Variants in STK32A observed in about 807,000 individuals in gnomAD.
The protein encoded by STK32A is serine/threonine-protein kinase 32A.
A neutral mutation model predicts 53.2 loss-of-function variants in STK32A; 41 were observed. That is an observed-to-expected ratio of 0.77 (90% CI 0.60 to 1.00). STK32A has a LOEUF of 1.00. Among genes scored for constraint, STK32A ranks in the 50% least tolerant of loss-of-function variants. The pLI is 0.00. For synonymous variants in STK32A, 166 were observed against 162.8 expected (o/e 1.02, Z -0.15); for missense variants, 458 against 485.8 (o/e 0.94, Z 0.54).
rs147528038 is a variant in STK32A, at chr5:147,287,930, G to A, written c.260+8532G>A. On this transcript the variant is annotated intron_variant, in intron 4 of 12. Transcript: ENST00000397936. ...CTTCTCATATTTGTCTTTCATCGCT[G>A]TGTGGGCAAAGTTGATTTCATTCTG... 8.0e-4 allele frequency among the ~76,000 whole-genome samples: 122 copies of A among 151,714 alleles called. 1 individual carries two copies. Among genetic ancestry groups the A allele is most frequent in the Middle Eastern group, 3.4e-3 (1 of 292 alleles).
At chr5:147,294,891 G>A (rs1752795306) in intron 4 of STK32A, among the ~76,000 whole-genome samples, 1 of 152,036 alleles carries the variant, frequency 6.6e-6, no homozygotes. Flanking sequence ...CACTGTGTTT[G>A]CCAGGGTGGT....
intron 7 of STK32A, among the ~76,000 whole-genome samples, chr5:147,361,118 C>T (rs1300442764): frequency 6.6e-6 from 1 of 152,166 alleles, no homozygotes; most frequent in African/African-American, 2.4e-5. Context: ...AAATTCTGCA[C>T]GTTGTCTGCG....
At chr5:147,302,985 A>T (rs748283610) in intron 4 of STK32A, among the ~76,000 whole-genome samples, 17 of 152,116 alleles carry the variant, frequency 1.1e-4, no homozygotes, top group African/African-American at 1.7e-4. Context: ...GGCAATAGAG[A>T]TGCAATGGAG....
chr5:147,364,921 A>C (rs1756678914), intron 8 of STK32A, among the ~76,000 whole-genome samples: 3 of 152,176 alleles, frequency 2.0e-5, no homozygotes, highest in Non-Finnish European at 1.5e-5. Flanking sequence ...TGATGGATGC[A>C]ATCAGTGATT....
rs546193651 is a variant in STK32A, at chr5:147,284,370, A to ACTGCTC, written c.260+4975_260+4980dup. 2.2e-3 allele frequency among the ~76,000 whole-genome samples: 331 copies of ACTGCTC among 152,258 alleles called. 1 individual carries two copies. Among genetic ancestry groups the ACTGCTC allele is most frequent in the African/African-American group, 7.8e-3 (325 of 41,568 alleles). On this transcript the variant is annotated intron_variant, in intron 4 of 12. Coordinates refer to ENST00000397936, the MANE Select transcript of STK32A (RefSeq NM_001112724.2). ...GAATGAGACAAGTATGCCCACTCTC[A>ACTGCTC]CTGCTCCTCTTCAATGTAGTACTGG...
At chr5:147,363,079 C>T (rs1375580977) in intron 8 of STK32A, among the ~76,000 whole-genome samples, 2 of 149,568 alleles carry the variant, frequency 1.3e-5, no homozygotes, top group Non-Finnish European at 2.9e-5. Flanking sequence ...GAGTGAGACC[C>T]CATCATTAAA....
chr5:147,358,186 G>A (rs980751512), intron 7 of STK32A, among the ~76,000 whole-genome samples: 8 of 152,060 alleles, frequency 5.3e-5, no homozygotes, highest in African/African-American at 7.2e-5. Flanking sequence ...ATATTAAAAT[G>A]TAGTCAAGCT....
the STK32A span, chr5:147,401,622 C>T: frequency 6.2e-7 from 1 of 1,614,048 alleles, no homozygotes; most frequent in Non-Finnish European, 8.5e-7. Context: ...GCCGCCTTGG[C>T]CCAGTTCTTG....
chr5:147,317,831 T>C (rs541498275), intron 4 of STK32A, among the ~76,000 whole-genome samples: 6 of 152,248 alleles, frequency 3.9e-5, no homozygotes, highest in African/African-American at 9.6e-5. Context: ...ATAAAAAAGA[T>C]TGAGGATCTC....
intron 5 of STK32A, among the ~76,000 whole-genome samples, chr5:147,329,742 G>T (rs1307848179): frequency 6.6e-6 from 1 of 152,162 alleles, no homozygotes. Context: ...TATATAAAAA[G>T]CTGTCTCCCC....
intron 4 of STK32A, among the ~76,000 whole-genome samples, chr5:147,311,590 A>G (rs187920563): frequency 1.2e-3 from 178 of 152,302 alleles, no homozygotes; most frequent in Non-Finnish European, 2.3e-3. Context: ...TTTAAGAGAC[A>G]GAGTCTTGCT....
intron 4 of STK32A, among the ~76,000 whole-genome samples, chr5:147,311,949 G>A (rs1745802279): frequency 6.6e-6 from 1 of 152,068 alleles, no homozygotes; most frequent in African/African-American, 2.4e-5. Flanking sequence ...AGGGCAGAGG[G>A]GGAAACACAG....
chr5:147,244,216 C>T (rs1753695484), intron 2 of STK32A, among the ~76,000 whole-genome samples: 1 of 152,144 alleles, frequency 6.6e-6, no homozygotes, highest in Non-Finnish European at 1.5e-5. Flanking sequence ...TGTCAAGATT[C>T]TCTTTCTTTT....
intron 4 of STK32A, among the ~76,000 whole-genome samples, chr5:147,296,266 A>C (rs1752860623): frequency 6.6e-6 from 1 of 152,188 alleles, no homozygotes; most frequent in Non-Finnish European, 1.5e-5. Flanking sequence ...TTATTTTAAA[A>C]GTTTTAGAGC....
At chr5:147,364,247 A>T (rs946310182) in intron 8 of STK32A, among the ~76,000 whole-genome samples, 1 of 149,930 alleles carries the variant, frequency 6.7e-6, no homozygotes, top group Admixed American at 6.7e-5. Context: ...AAATCTCCTC[A>T]GCTAAATATC....
chr5:147,324,264 A>G (rs559134481), intron 5 of STK32A, among the ~76,000 whole-genome samples, 193 bp downstream of exon 5: 1 of 152,356 alleles, frequency 6.6e-6, no homozygotes, highest in East Asian at 1.9e-4. Context: ...TTAATTTGCC[A>G]AAGGTCACAG....
intron 2 of STK32A, among the ~76,000 whole-genome samples, chr5:147,260,621 G>A (rs1754519152): frequency 6.6e-6 from 1 of 151,980 alleles, no homozygotes; most frequent in Non-Finnish European, 1.5e-5. Context: ...TCAAACCAGG[G>A]GGTGGCTTGC....
At chr5:147,351,338 C>A (rs1247365542) in intron 7 of STK32A, among the ~76,000 whole-genome samples, 184 bp downstream of exon 7, 2 of 152,100 alleles carry the variant, frequency 1.3e-5, no homozygotes, top group Admixed American at 6.5e-5. Flanking sequence ...TAGGAAAGGA[C>A]CATTGATTAC....
At chr5:147,300,332 G>A (rs938464907) in intron 4 of STK32A, among the ~76,000 whole-genome samples, 5 of 152,154 alleles carry the variant, frequency 3.3e-5, no homozygotes, top group Admixed American at 2.6e-4. Flanking sequence ...TGACTTCAAA[G>A]CCTCTGCTCT....
Sources: gnomAD v4.1 joint callset for allele counts (sites outside exome capture counted in the v4.1 genomes callset) on GRCh38, gnomAD v4.1.1 for gene constraint, MANE v1.5 for transcripts, NCBI Gene and HGNC (gene_info 2026-07-23, HGNC 2026-07-21) for gene names.